The following SLC35F3 variants were observed in gnomAD, a reference collection of about 807,000 sequenced individuals.
The protein encoded by SLC35F3 is solute carrier family 35 member F3.
Under a neutral mutation model 49.9 loss-of-function variants are expected in SLC35F3, and 25 were observed. That is an observed-to-expected ratio of 0.50 (90% CI 0.37 to 0.70). SLC35F3 has a LOEUF of 0.70. SLC35F3 is among the 30% of genes least tolerant of loss of function. The probability of loss-of-function intolerance (pLI) is 0.00; values close to 1 mark genes in which losing one functional copy is unlikely to be tolerated. For missense variants in SLC35F3, 525 were observed against 639.8 expected, an observed-to-expected ratio of 0.82 and a Z score of 1.94; for synonymous variants, 275 against 265.4, an observed-to-expected ratio of 1.04 and a Z score of -0.35.
chr1:234,115,973 G>C (rs1665480607), intron 2 of SLC35F3, among the ~76,000 whole-genome samples: 1 of 152,156 alleles, frequency 6.6e-6, no homozygotes, highest in East Asian at 1.9e-4. Context: ...GTGAGCAGTA[G>C]GGGAAAGAGG....
At chr1:234,036,095 G>C (rs1664137799) in intron 2 of SLC35F3, among the ~76,000 whole-genome samples, 1 of 152,108 alleles carries the variant, frequency 6.6e-6, no homozygotes, top group Admixed American at 6.5e-5. Context: ...TTCATTTTTA[G>C]AGGTGGGATC....
chr1:234,177,295 T>G (rs904089883), intron 2 of SLC35F3, among the ~76,000 whole-genome samples: 11 of 152,164 alleles, frequency 7.2e-5, no homozygotes, highest in African/African-American at 2.4e-4. Context: ...CTTTTGTAAA[T>G]TGCCCAGTGT....
intron 2 of SLC35F3, among the ~76,000 whole-genome samples, chr1:234,160,070 T>A (rs1013240949): frequency 1.3e-5 from 2 of 152,176 alleles, no homozygotes; most frequent in African/African-American, 4.8e-5. Context: ...GTTGATAGGA[T>A]TTGGATTCAA....
At chr1:234,052,891 A>G (rs1664400203) in intron 2 of SLC35F3, among the ~76,000 whole-genome samples, 1 of 152,266 alleles carries the variant, frequency 6.6e-6, no homozygotes, top group African/African-American at 2.4e-5. Flanking sequence ...TCATTTCGTT[A>G]TGTACCCAGT....
chr1:234,154,658 T>A (rs1337048028), intron 2 of SLC35F3, among the ~76,000 whole-genome samples: 1 of 152,234 alleles, frequency 6.6e-6, no homozygotes, highest in African/African-American at 2.4e-5. Flanking sequence ...TTATCATAAC[T>A]AAAATTTTAA....
rs148861428 is a variant in SLC35F3 at position 234,316,670 on chromosome 1, C to T, written c.897C>T (p.His299=). ...MMTYADGFHS[H]SVIGIALVVA... is the part of the protein sequence containing the mutation. ...CCTACGCTGATGGCTTCCACAGCCACTCCGTCATCGGCATCGCACTGGTGG... is the reference window on the plus strand; with the variant it reads ...CCTACGCTGATGGCTTCCACAGCCATTCCGTCATCGGCATCGCACTGGTGG... Residue 299 remains histidine, a synonymous_variant, in exon 5 of 8, where the codon CAC becomes CAT. Coordinates refer to ENST00000366618, the MANE Select transcript of SLC35F3 (RefSeq NM_173508.4). 165 of 1,613,404 alleles carry T rather than the reference C, an allele frequency of 1.0e-4. No homozygotes were observed. Among genetic ancestry groups the T allele is most frequent in the Non-Finnish European group, 1.2e-4 (147 of 1,179,320 alleles).
chr1:234,064,513 G>C (rs754557836), intron 2 of SLC35F3, among the ~76,000 whole-genome samples: 1 of 152,100 alleles, frequency 6.6e-6, no homozygotes, highest in Non-Finnish European at 1.5e-5. Context: ...TTTTCCTCCA[G>C]CAGGTTTCGG....
At chr1:234,232,535 A>AGAAAG (rs1280270505) in intron 3 of SLC35F3, among the ~76,000 whole-genome samples, 1 of 144,748 alleles carries the variant, frequency 6.9e-6, no homozygotes, top group Non-Finnish European at 1.5e-5. Context: ...AAAAAAAAAA[A>AGAAAG]AAAAAGAAAA....
intron 2 of SLC35F3, among the ~76,000 whole-genome samples, chr1:234,083,750 T>C (rs1664916870): frequency 6.6e-6 from 1 of 152,186 alleles, no homozygotes; most frequent in African/African-American, 2.4e-5. Context: ...CTGAGCTTGC[T>C]GTCAATTTAC....
At chr1:234,141,121 G>C (rs1020328559) in intron 2 of SLC35F3, among the ~76,000 whole-genome samples, 2 of 152,154 alleles carry the variant, frequency 1.3e-5, no homozygotes, top group Non-Finnish European at 2.9e-5. Flanking sequence ...ATGACAGTCA[G>C]CCTCTTCTTG....
At chr1:234,070,071 A>C (rs148661965) in intron 2 of SLC35F3, among the ~76,000 whole-genome samples, 2 of 152,328 alleles carry the variant, frequency 1.3e-5, no homozygotes, top group African/African-American at 4.8e-5. Flanking sequence ...GCTGGAAAGA[A>C]CGTGCAGAGC....
chr1:234,276,506 T>C (rs1244771868), intron 3 of SLC35F3, among the ~76,000 whole-genome samples: 1 of 151,854 alleles, frequency 6.6e-6, no homozygotes, highest in East Asian at 1.9e-4. Flanking sequence ...CATTACAGCT[T>C]ATTGTACATG....
intron 5 of SLC35F3, among the ~76,000 whole-genome samples, chr1:234,316,978 G>C (rs1012667763): frequency 1.3e-5 from 2 of 152,196 alleles, no homozygotes; most frequent in African/African-American, 4.8e-5. Context: ...CATCGTTGCA[G>C]CACCTGGGAT....
At chr1:234,029,132 G>T (rs1332951992) in intron 2 of SLC35F3, among the ~76,000 whole-genome samples, 3 of 152,100 alleles carry the variant, frequency 2.0e-5, no homozygotes, top group African/African-American at 7.2e-5. Context: ...CTTGGGGCTG[G>T]GTGATAACAT....
chr1:233,927,606 T>G (rs1662180409), intron 2 of SLC35F3, among the ~76,000 whole-genome samples: 1 of 152,130 alleles, frequency 6.6e-6, no homozygotes. Context: ...TTTGAAGTAC[T>G]AATAAAAACT....
At chr1:234,237,909 G>A (rs1307749824) in intron 3 of SLC35F3, among the ~76,000 whole-genome samples, 1 of 152,000 alleles carries the variant, frequency 6.6e-6, no homozygotes, top group African/African-American at 2.4e-5. Context: ...TCGCCATGTT[G>A]CCCAGGCTAG....
At chr1:234,029,735 G>A (rs149644595) in intron 2 of SLC35F3, among the ~76,000 whole-genome samples, 1 of 152,274 alleles carries the variant, frequency 6.6e-6, no homozygotes, top group East Asian at 1.9e-4. Context: ...GGTAGCACAT[G>A]CCTATGGTGC....
At chr1:234,082,465 C>G (rs1268131924) in intron 2 of SLC35F3, among the ~76,000 whole-genome samples, 1 of 152,126 alleles carries the variant, frequency 6.6e-6, no homozygotes, top group African/African-American at 2.4e-5. Context: ...TTACATTCTG[C>G]TTGTTTTCAT....
At chr1:234,290,680 G>T (rs913401701) in intron 3 of SLC35F3, among the ~76,000 whole-genome samples, 2 of 152,188 alleles carry the variant, frequency 1.3e-5, no homozygotes, top group Non-Finnish European at 2.9e-5. Flanking sequence ...CACTCATCAG[G>T]ACCACTTAGA....
Sources: allele counts gnomAD v4.1 joint callset (sites outside exome capture counted in the v4.1 genomes callset), GRCh38; gene constraint gnomAD v4.1.1; transcripts MANE v1.5; gene names NCBI Gene and HGNC (gene_info 2026-07-23, HGNC 2026-07-21).